The following SPDYE21 variants were observed in gnomAD, a reference collection of about 807,000 sequenced individuals.
SPDYE21 encodes speedy/RINGO cell cycle regulator family member E21.
A neutral mutation model predicts 36.2 loss-of-function variants in SPDYE21; 14 were observed. The observed-to-expected ratio is 0.39, with a 90% confidence interval of 0.26 to 0.61. The LOEUF (loss-of-function observed/expected upper bound fraction) is 0.61, where lower values mean the gene tolerates loss of function less well. SPDYE21 is among the 20% of genes least tolerant of loss of function. The pLI is 0.55. For missense variants in SPDYE21, 233 were observed against 424.6 expected (o/e 0.55, Z 3.97); for synonymous variants, 58 against 155.1 (o/e 0.37, Z 4.65).
Position 67,279,899 on chromosome 7 carries a change from A to G in SPDYE21, c.242A>G (p.Glu81Gly). 6.3e-7 allele frequency: 1 copy of G among 1,588,958 alleles called. No homozygotes were observed. The highest frequency in any genetic ancestry group is 8.5e-7 in the Non-Finnish European group (1 of 1,176,702). ...KKEWSDESEE[E>G]PEKELAPEPE... is the part of the protein sequence containing the mutation. ...GAGTGGTCAGATGAATCTGAGGAGG[A>G]GCCGGAGAAGGAGCTCGCCCCTGAG... Residue 81 changes from glutamate (E) to glycine (G), a missense_variant, in exon 3 of 9, where the codon GAG becomes GGG. Glu to Gly is a moderately conservative substitution (Grantham distance 98). Around this residue, in one of 4 missense-constraint regions of SPDYE21, gnomAD observed 68 missense variants for 87.6 expected, o/e 0.78. Coordinates refer to ENST00000424157, the MANE Select transcript of SPDYE21 (RefSeq NM_001382715.2).
At chr7:67,285,318 C>T (rs547108318) in intron 6 of SPDYE21, among the ~76,000 whole-genome samples, 6,958 of 152,102 alleles carry the variant, frequency 0.046, 457 homozygotes, top group African/African-American at 0.16. Context: ...TGGGCTCAAG[C>T]GATCCTCCCA....
At chr7:67,280,257 C>G (rs545574683) in intron 3 of SPDYE21, among the ~76,000 whole-genome samples, 1 of 152,102 alleles carries the variant, frequency 6.6e-6, no homozygotes, top group Non-Finnish European at 1.5e-5. Flanking sequence ...AGCTTGGTTT[C>G]GCACCAGGTG....
In SPDYE21 at chr7:67,282,749, C is replaced by T. The variant is rs564948892; in HGVS notation, c.669+56C>T. 3.7e-5 allele frequency: 39 copies of T among 1,066,150 alleles called. 9 individuals are homozygous for T. In the African/African-American group the frequency reaches 6.8e-4, roughly 19 times the overall value. The allele number at this position is 1,066,150 out of a possible 1,614,324, so 66.0% of individuals were successfully genotyped here. Reference sequence around the variant, plus strand: ...TTCCAACACATGGCTGGGGGGAGGGCGCAGCTTCCAAACCCACAGTTCTCC... The same window carrying T: ...TTCCAACACATGGCTGGGGGGAGGGTGCAGCTTCCAAACCCACAGTTCTCC... On this transcript the variant is annotated intron_variant, in intron 5 of 8. Transcript: ENST00000424157.
chr7:67,285,975 G>A (rs1172270777), intron 6 of SPDYE21, 69 bp from the exon 7 acceptor site: 11 of 1,611,028 alleles, frequency 6.8e-6, no homozygotes, highest in Admixed American at 1.7e-5. Context: ...TTCCTCTCTG[G>A]GAAGCTGACC....
chr7:67,281,464 AG>A lies in SPDYE21; in HGVS notation c.472del (p.Glu158SerfsTer24), dbSNP rs1382613644. The A allele has an allele frequency of 1.9e-6, 3 of 1,589,022 alleles. No individual in the cohort carries two copies. The African/African-American group carries it at 4.0e-5, about 21-fold the overall frequency. ...WWDESEESLE[E>X]EPRKVLAPEP... Reference sequence around the variant, plus strand: ...GACGAATCTGAGGAGTCGTTGGAGGAGGAGCCACGGAAGGTGCTCGCCCCTG... The same window carrying A: ...GACGAATCTGAGGAGTCGTTGGAGGAGAGCCACGGAAGGTGCTCGCCCCTG... On this transcript the variant is annotated frameshift_variant, in exon 4 of 9. Coordinates refer to ENST00000424157, the MANE Select transcript of SPDYE21 (RefSeq NM_001382715.2). LOFTEE classifies it high-confidence loss of function.
At position 67,283,958 on chromosome 7, in the gene SPDYE21, C is replaced by G; in HGVS notation, c.715C>G (p.Pro239Ala). The G allele has an allele frequency of 1.2e-6, 2 of 1,601,618 alleles. No individual in the cohort carries two copies. Among genetic ancestry groups the G allele is most frequent in the Non-Finnish European group, 1.7e-6 (2 of 1,170,660 alleles). ...AGTGTATTTCAGCCGGGCCGGCCTC[C>G]CCTCCTGGCAATACCAACGCATTCA... is the stretch of plus-strand genomic sequence containing the variant. ...VIVYFSRAGLPSWQYQRIHFF... is the reference protein window; with the variant it reads ...VIVYFSRAGLASWQYQRIHFF... The change falls in exon 6 of 9, where the codon CCC becomes GCC. Residue 239 changes from proline to alanine, a missense_variant. By Grantham distance (27) the Pro-to-Ala change is conservative (BLOSUM62 -1). This residue lies in a region of SPDYE21 where 24 missense variants were observed against 59.2 expected (regional missense o/e 0.41). Coordinates refer to ENST00000424157, the MANE Select transcript of SPDYE21 (RefSeq NM_001382715.2).
At chr7:67,284,946 C>T (rs1322604981) in intron 6 of SPDYE21, among the ~76,000 whole-genome samples, 2 of 150,724 alleles carry the variant, frequency 1.3e-5, no homozygotes, top group African/African-American at 2.4e-5. Flanking sequence ...GGCTTCACTG[C>T]TCCTTCCAAA....
chr7:67,286,049 T>A lies in SPDYE21; in HGVS notation c.761T>A (p.Leu254Gln). ...QRIHFFLALY[L>Q]ANDMEEDDED... ...AACCTGATTTCTATCCTCAGCTACC[T>A]GGCCAATGACATGGAGGAGGACGAC... is the stretch of plus-strand genomic sequence containing the variant. Residue 254 changes from leucine (L) to glutamine (Q), a missense_variant, in exon 7 of 9, where the codon CTG (leucine) becomes CAG (glutamine). By Grantham distance (113) the Leu-to-Gln change is moderately radical (BLOSUM62 -2). Transcript: ENST00000424157. 6.2e-7 allele frequency: 1 copy of A among 1,613,088 alleles called. No individual in the cohort carries two copies. The highest frequency in any genetic ancestry group is 8.5e-7 in the Non-Finnish European group (1 of 1,179,996).
intron 6 of SPDYE21, among the ~76,000 whole-genome samples, chr7:67,285,437 C>A (rs1286527840): frequency 6.6e-6 from 1 of 151,794 alleles, no homozygotes; most frequent in African/African-American, 2.4e-5. Context: ...GCCTCTCAGG[C>A]TGGAATGGAG....
In SPDYE21 at chr7:67,283,966, G is replaced by T; in HGVS notation, c.723G>T (p.Trp241Cys). 4 of 1,601,062 alleles carry T rather than the reference G, an allele frequency of 2.5e-6. No homozygotes were observed. ...TCAGCCGGGCCGGCCTCCCCTCCTG[G>T]CAATACCAACGCATTCATTTCTTCC... is the stretch of plus-strand genomic sequence containing the variant. ...VYFSRAGLPS[W>C]QYQRIHFFLA... The change falls in exon 6 of 9, where the codon TGG becomes TGT. Residue 241 changes from tryptophan to cysteine, a missense_variant. Transcript: ENST00000424157.
At position 67,278,824 on chromosome 7, in the gene SPDYE21, G is replaced by C. The variant is rs1014598255; in HGVS notation, c.111G>C (p.Ser37=). Among the ~76,000 whole-genome samples the C allele has an allele frequency of 1.3e-5, 2 of 151,776 alleles. No individual in the cohort carries two copies. Residue 37 remains serine, a synonymous_variant, in exon 2 of 9, where the codon TCG becomes TCC. Transcript: ENST00000424157. ...AGCAGAGTCCCCAGCGGAGCACCTC[G>C]GGGTACCCCCTCCAGGAGGTGGTGG... ...QNEQSPQRST[S]GYPLQEVVDD... is the part of the protein sequence containing the mutation.
At chr7:67,277,144 C>G (rs998238108) in intron 1 of SPDYE21, among the ~76,000 whole-genome samples, 82 bp downstream of exon 1, 5 of 152,168 alleles carry the variant, frequency 3.3e-5, no homozygotes, top group Non-Finnish European at 7.4e-5. Flanking sequence ...TCCCTGCAAC[C>G]TGCGCACCAT....
chr7:67,286,815 C>T lies in SPDYE21; in HGVS notation c.*45+151C>T, dbSNP rs567508208. 5.0e-3 allele frequency among the ~76,000 whole-genome samples: 761 copies of T among 152,270 alleles called. 6 individuals are homozygous for T. Among genetic ancestry groups the T allele is most frequent in the Non-Finnish European group, 8.6e-3 (587 of 68,026 alleles). On this transcript the variant is annotated intron_variant, in intron 8 of 8. Coordinates refer to ENST00000424157, the MANE Select transcript of SPDYE21 (RefSeq NM_001382715.2). ...CAAAAATTAGCCAGGCGATGTGGGACGCATCTCTACTCCCAACTACTCAGG... is the reference window on the plus strand; with the variant it reads ...CAAAAATTAGCCAGGCGATGTGGGATGCATCTCTACTCCCAACTACTCAGG...
intron 4 of SPDYE21, 75 bp from the exon 5 acceptor site, chr7:67,282,560 C>T (rs1802658349): frequency 1.4e-5 from 23 of 1,595,836 alleles, no homozygotes; most frequent in Non-Finnish European, 2.0e-5. Context: ...CCGGGAGGCA[C>T]ACTTCTCGCT....
rs564809614 is a variant in SPDYE21, at chr7:67,282,051, TA to T, written c.610+450del. Among the ~76,000 whole-genome samples the T allele has an allele frequency of 2.7e-3, 406 of 152,122 alleles. 4 individuals are homozygous for T. The highest frequency in any genetic ancestry group is 8.8e-3 in the African/African-American group (364 of 41,504). ...GGGAGGCTGAGACAGGAGAATCGCTTAAACCCGGGAGGCAGAGGTTGCAGTG... is the reference window on the plus strand; with the variant it reads ...GGGAGGCTGAGACAGGAGAATCGCTTAACCCGGGAGGCAGAGGTTGCAGTG... On this transcript the variant is annotated intron_variant, in intron 4 of 8. Coordinates refer to ENST00000424157, the MANE Select transcript of SPDYE21 (RefSeq NM_001382715.2).
intron 3 of SPDYE21, 146 bp downstream of exon 3, chr7:67,280,182 G>C (rs1802607543): frequency 6.7e-7 from 1 of 1,483,122 alleles, no homozygotes; most frequent in Non-Finnish European, 8.9e-7. Flanking sequence ...TCACTCATGA[G>C]GGACACTTAG....
intron 6 of SPDYE21, among the ~76,000 whole-genome samples, chr7:67,284,269 C>T (rs1199800187): frequency 1.3e-5 from 2 of 150,962 alleles, no homozygotes; most frequent in Non-Finnish European, 3.0e-5. Flanking sequence ...GCCAACATGG[C>T]CAAACCCCGT....
At position 67,287,780 on chromosome 7, in the gene SPDYE21, A is replaced by T. The variant is rs926958466; in HGVS notation, c.*308A>T. Among the ~76,000 whole-genome samples, 61 of 151,788 alleles carry T rather than the reference A, an allele frequency of 4.0e-4. No individual in the cohort carries two copies. The highest frequency in any genetic ancestry group is 1.2e-3 in the African/African-American group (50 of 41,296). Reference sequence around the variant, plus strand: ...TTCCACCCTTTCCTGCGGCACCACCACCCTTTTTATATTGCTGAATTCCAA... The same window carrying T: ...TTCCACCCTTTCCTGCGGCACCACCTCCCTTTTTATATTGCTGAATTCCAA... On this transcript the variant is annotated 3_prime_UTR_variant, in exon 9 of 9. Coordinates refer to ENST00000424157, the MANE Select transcript of SPDYE21 (RefSeq NM_001382715.2).
rs534951263 is a variant in SPDYE21, at chr7:67,279,643, G to A, written c.161-175G>A. 8.0e-6 allele frequency: 12 copies of A among 1,498,084 alleles called. No individual in the cohort carries two copies. In the South Asian group the frequency reaches 1.2e-4, roughly 15 times the overall value. 92.8% of individuals were successfully genotyped at this position (1,498,084 alleles called of 1,614,324 possible). ...CGGAGGACAGAGAGAGAGAAGAATG[G>A]GGAGGGGAAGGAGCGGCACATGGGG... On this transcript the variant is annotated intron_variant, in intron 2 of 8. Transcript: ENST00000424157.
Sources: allele counts gnomAD v4.1 joint callset (sites outside exome capture counted in the v4.1 genomes callset), GRCh38; gene constraint gnomAD v4.1.1; regional missense constraint gnomAD v4.1.1; transcripts MANE v1.5; gene names NCBI Gene and HGNC (gene_info 2026-07-23, HGNC 2026-07-21).